NBAS: variants seen among roughly 807,000 people sequenced by gnomAD.
The protein encoded by NBAS is NBAS subunit of NRZ tethering complex, also known as NAG/BC035112 fusion.
NBAS carries 219 observed loss-of-function variants against 302.5 expected under a neutral mutation model. That is an observed-to-expected ratio of 0.72 (90% CI 0.65 to 0.81). The LOEUF is 0.81. Ranked by LOEUF, NBAS falls within the 30% of genes least tolerant of loss-of-function variation. NBAS has a pLI of 0.00. For synonymous variants in NBAS, 1,118 were observed against 1,021.6 expected, an observed-to-expected ratio of 1.09 and a Z score of -1.80; for missense variants, 2,932 against 2,841.6, an observed-to-expected ratio of 1.03 and a Z score of -0.72.
At chr2:15,092,714 C>T in the NBAS span, among the ~76,000 whole-genome samples, 1 of 152,126 alleles carries the variant, frequency 6.6e-6, no homozygotes, top group South Asian at 2.1e-4. Flanking sequence ...ATAATTAGTC[C>T]GAACTAAAAA....
chr2:15,094,171 C>G, the NBAS span, among the ~76,000 whole-genome samples: 1 of 152,158 alleles, frequency 6.6e-6, no homozygotes, highest in Non-Finnish European at 1.5e-5. Context: ...ATAAAAAAGT[C>G]ATTTGCCTAG....
intron 9 of NBAS, among the ~76,000 whole-genome samples, chr2:15,514,595 C>T (rs986041263): frequency 4.0e-5 from 6 of 151,672 alleles, no homozygotes; most frequent in Non-Finnish European, 7.4e-5. Context: ...CATTATAAAA[C>T]AGTTCCTTGA....
chr2:15,501,736 C>A (rs552353996), intron 11 of NBAS, among the ~76,000 whole-genome samples: 31 of 151,616 alleles, frequency 2.0e-4, no homozygotes, highest in African/African-American at 7.3e-4. Context: ...AAAGCAGGCC[C>A]ATTTTGTAAA....
the NBAS span, among the ~76,000 whole-genome samples, chr2:15,146,969 G>A: frequency 1.1e-4 from 16 of 152,268 alleles, no homozygotes; most frequent in Admixed American, 8.5e-4. Context: ...GTGTCTGTTC[G>A]AGGACAGGGT....
intron 9 of NBAS, among the ~76,000 whole-genome samples, chr2:15,529,474 AGAGT>A (rs1293053768): frequency 6.6e-6 from 1 of 152,190 alleles, no homozygotes; most frequent in African/African-American, 2.4e-5. Context: ...CGCGGGTGAC[AGAGT>A]GAGACCCTCT....
At chr2:14,980,720 A>G in the NBAS span, among the ~76,000 whole-genome samples, 4 of 152,226 alleles carry the variant, frequency 2.6e-5, no homozygotes, top group African/African-American at 9.6e-5. Flanking sequence ...AAATGGAGAG[A>G]CCAAATCAAG....
chr2:14,936,448 A>G, the NBAS span, among the ~76,000 whole-genome samples: 556 of 152,310 alleles, frequency 3.7e-3, 2 homozygotes, highest in Non-Finnish European at 6.5e-3. Context: ...TCTGTGCTGC[A>G]CCTCTAAGGA....
chr2:15,066,011 A>G, the NBAS span, among the ~76,000 whole-genome samples: 1 of 151,980 alleles, frequency 6.6e-6, no homozygotes, highest in Non-Finnish European at 1.5e-5. Flanking sequence ...ACAAAATTGT[A>G]TGCTACTGAC....
intron 31 of NBAS, among the ~76,000 whole-genome samples, chr2:15,370,612 A>G (rs941614626): frequency 1.3e-5 from 2 of 152,178 alleles, no homozygotes; most frequent in South Asian, 2.1e-4. Flanking sequence ...ATGAGAGCCC[A>G]CCCTTTGCAT....
the NBAS span, among the ~76,000 whole-genome samples, chr2:15,000,621 T>A: frequency 6.6e-6 from 1 of 152,226 alleles, no homozygotes; most frequent in South Asian, 2.1e-4. Flanking sequence ...GTAATATGAC[T>A]GTAATGAATG....
chr2:14,978,093 T>C, the NBAS span, among the ~76,000 whole-genome samples: 1 of 152,200 alleles, frequency 6.6e-6, no homozygotes, highest in Admixed American at 6.6e-5. Flanking sequence ...TCTTGACTTA[T>C]GTTAATCTCT....
chr2:15,437,867 T>C (rs1374270026), intron 21 of NBAS, among the ~76,000 whole-genome samples: 3 of 152,188 alleles, frequency 2.0e-5, no homozygotes, highest in African/African-American at 4.8e-5. Flanking sequence ...GTGCCACTGG[T>C]ATTCAAAGAG....
intron 40 of NBAS, among the ~76,000 whole-genome samples, chr2:15,303,703 GTACAAAGTAATT>G (rs1256289697): frequency 6.6e-6 from 1 of 152,104 alleles, no homozygotes; most frequent in African/African-American, 2.4e-5. Context: ...TTTCATTTTG[GTACAAAGTAATT>G]TACTATCAGG....
chr2:15,166,867 A>G, downstream of NBAS: 1 of 682,652 alleles, frequency 1.5e-6, no homozygotes, highest in Non-Finnish European at 2.2e-6. Flanking sequence ...TATGTTCACC[A>G]CTCAGTACAA....
the NBAS span, among the ~76,000 whole-genome samples, chr2:15,055,098 G>A: frequency 3.3e-5 from 5 of 152,192 alleles, no homozygotes; most frequent in African/African-American, 1.2e-4. Flanking sequence ...CTCCCCATGT[G>A]ATGTTGGACT....
the NBAS span, among the ~76,000 whole-genome samples, chr2:14,906,423 TTC>T: frequency 6.6e-6 from 1 of 152,208 alleles, no homozygotes; most frequent in East Asian, 1.9e-4. Context: ...CCTCAGTCTG[TTC>T]TCTTTCTAAT....
chr2:15,425,816 T>C (rs1677443834), intron 22 of NBAS, among the ~76,000 whole-genome samples: 1 of 152,180 alleles, frequency 6.6e-6, no homozygotes. Context: ...GTTCTGCATA[T>C]TTATTTCCTC....
At chr2:15,536,811 C>A (rs978890272) in intron 7 of NBAS, among the ~76,000 whole-genome samples, 1 of 152,086 alleles carries the variant, frequency 6.6e-6, no homozygotes, top group Non-Finnish European at 1.5e-5. Flanking sequence ...TAGGAAATTT[C>A]TATTCAAATT....
the NBAS span, among the ~76,000 whole-genome samples, chr2:14,992,467 G>A: frequency 6.6e-6 from 1 of 152,140 alleles, no homozygotes; most frequent in East Asian, 1.9e-4. Flanking sequence ...ATTTGTAATG[G>A]TGCCTCCACT....
Sources: gnomAD v4.1 joint callset for allele counts (sites outside exome capture counted in the v4.1 genomes callset) on GRCh38, gnomAD v4.1.1 for gene constraint, MANE v1.5 for transcripts, NCBI Gene and HGNC (gene_info 2026-07-23, HGNC 2026-07-21) for gene names.